Variants in VIPR2 observed in about 807,000 individuals in gnomAD.
VIPR2 encodes vasoactive intestinal polypeptide receptor 2.
In VIPR2, 48 loss-of-function variants were observed where a neutral mutation model predicts 58.0. The ratio of observed to expected loss-of-function variants is 0.83; its 90% CI spans 0.66 to 1.05. The LOEUF (loss-of-function observed/expected upper bound fraction) is 1.05, where lower values mean the gene tolerates loss of function less well. Ranked by LOEUF, VIPR2 falls within the 50% of genes least tolerant of loss-of-function variation. The probability of loss-of-function intolerance (pLI) is 0.00; values close to 1 mark genes in which losing one functional copy is unlikely to be tolerated. For synonymous variants in VIPR2, 243 were observed against 235.2 expected, an observed-to-expected ratio of 1.03 and a Z score of -0.30; for missense variants, 534 against 558.0, an observed-to-expected ratio of 0.96 and a Z score of 0.43.
At position 159,031,412 on chromosome 7, in the gene VIPR2, G is replaced by A. The variant is rs964953031; in HGVS notation, c.1143+416C>T. 2 of 983,398 alleles carry A rather than the reference G, an allele frequency of 2.0e-6. No individual in the cohort carries two copies. Among genetic ancestry groups the A allele is most frequent in the Middle Eastern group, 5.2e-4 (1 of 1,912 alleles). The allele number at this position is 983,398 out of a possible 1,614,324, so 60.9% of individuals were successfully genotyped here. ...TGGGAATGAACGCAGGGCAGAGCTC[G>A]GCTCCGGGCTTCCTCCCCAGGGACT... On this transcript the variant is annotated intron_variant, in intron 12 of 12. Transcript: ENST00000262178. The surrounding 1 kb of genome is among the most constrained non-coding windows in gnomAD (Gnocchi z 4.0).
rs1647367886 is a variant in VIPR2, at chr7:159,140,575, A to C, written c.151+1871T>G. 2.0e-5 allele frequency among the ~76,000 whole-genome samples: 3 copies of C among 152,348 alleles called. No homozygotes were observed. In the East Asian group the frequency reaches 5.8e-4, roughly 29 times the overall value. On this transcript the variant is annotated intron_variant, in intron 2 of 12. Coordinates refer to ENST00000262178, the MANE Select transcript of VIPR2 (RefSeq NM_003382.5). The stretch of plus-strand genomic sequence containing the variant: ...CAGATCAGATACAGATATTTTTCCT[A>C]CAGAGCTGACACTGGAAATAAGAGC...
Position 159,128,280 on chromosome 7 carries a change from A to G in VIPR2, c.151+14166T>C, listed in dbSNP as rs1488323513. Among the ~76,000 whole-genome samples, 1 of 152,110 alleles carries G rather than the reference A, an allele frequency of 6.6e-6. No homozygotes were observed. The highest frequency in any genetic ancestry group is 1.5e-5 in the Non-Finnish European group (1 of 68,006). ...CTGCCCCATCCATACCTTGGGACCCAGCTCTCATGATCTCACAGCCCCATC... is the reference window on the plus strand; with the variant it reads ...CTGCCCCATCCATACCTTGGGACCCGGCTCTCATGATCTCACAGCCCCATC... On this transcript the variant is annotated intron_variant, in intron 2 of 12. Transcript: ENST00000262178. The surrounding 1 kb of genome is among the most constrained non-coding windows in gnomAD (Gnocchi z 4.1).
In VIPR2 at chr7:159,097,424, C is replaced by T. The variant is rs1857927765; in HGVS notation, c.357+6333G>A. On this transcript the variant is annotated intron_variant, in intron 4 of 12. Transcript: ENST00000262178. This position sits in a 1 kb window ranked among gnomAD's most constrained non-coding sequence, Gnocchi z 5.3. Reference sequence around the variant, plus strand: ...ACAGAAGACTTACGGGAGCCGGCCCCCTCGCGTGCCCACCACGGTGTGCTG... The same window carrying T: ...ACAGAAGACTTACGGGAGCCGGCCCTCTCGCGTGCCCACCACGGTGTGCTG... Among the ~76,000 whole-genome samples, 1 of 152,182 alleles carries T rather than the reference C, an allele frequency of 6.6e-6. No homozygotes were observed. Among genetic ancestry groups the T allele is most frequent in the South Asian group, 2.1e-4 (1 of 4,830 alleles).
At chr7:159,074,828 C>A (rs1386375340) in intron 4 of VIPR2, among the ~76,000 whole-genome samples, 2 of 151,894 alleles carry the variant, frequency 1.3e-5, no homozygotes, top group Non-Finnish European at 2.9e-5. Context: ...TCACAATGAA[C>A]AAACAAACAA....
At chr7:159,118,591 G>A (rs550641487) in intron 2 of VIPR2, among the ~76,000 whole-genome samples, 4 of 152,316 alleles carry the variant, frequency 2.6e-5, no homozygotes, top group South Asian at 2.1e-4. Flanking sequence ...AAACGTAGCC[G>A]CCATTCAATG....
At chr7:159,034,463 G>A (rs1853794972) in intron 9 of VIPR2, 118 bp downstream of exon 9, 4 of 1,315,692 alleles carry the variant, frequency 3.0e-6, no homozygotes, top group Non-Finnish European at 4.3e-6. Flanking sequence ...TCCTTTTCCG[G>A]GAAGGCTGAG....
At chr7:159,042,022 C>G (rs1049495241) in intron 6 of VIPR2, among the ~76,000 whole-genome samples, 36 of 152,174 alleles carry the variant, frequency 2.4e-4, no homozygotes, top group African/African-American at 7.7e-4. Context: ...CACAGCAAAT[C>G]TGATTCACAG....
At chr7:159,088,880 T>A (rs1857330762) in intron 4 of VIPR2, among the ~76,000 whole-genome samples, 2 of 68,146 alleles carry the variant, frequency 2.9e-5, no homozygotes, top group Admixed American at 1.7e-4. Flanking sequence ...GGAATGGGAA[T>A]AGCCTCAGGC....
At chr7:159,143,597 C>G (rs1193204159) in intron 1 of VIPR2, among the ~76,000 whole-genome samples, 1 of 152,206 alleles carries the variant, frequency 6.6e-6, no homozygotes, top group Non-Finnish European at 1.5e-5. Flanking sequence ...GCTTCTTGCT[C>G]GTGACTGAAC....
At chr7:159,140,734 G>T (rs1278366730) in intron 2 of VIPR2, among the ~76,000 whole-genome samples, 1 of 152,236 alleles carries the variant, frequency 6.6e-6, no homozygotes, top group Non-Finnish European at 1.5e-5. Flanking sequence ...GGGGCTGAGT[G>T]ACTGCCTGGG....
intron 4 of VIPR2, among the ~76,000 whole-genome samples, chr7:159,068,701 CA>C (rs1856226198): frequency 6.6e-6 from 1 of 152,178 alleles, no homozygotes. Context: ...GGTGCAACAG[CA>C]CGGCCTCAGA....
chr7:159,070,561 G>A (rs1381846559), intron 4 of VIPR2, among the ~76,000 whole-genome samples: 1 of 152,138 alleles, frequency 6.6e-6, no homozygotes, highest in Non-Finnish European at 1.5e-5. Flanking sequence ...GATGCAGACA[G>A]CACGTCAGGC....
At chr7:159,123,860 G>T (rs1796560498) in intron 2 of VIPR2, among the ~76,000 whole-genome samples, 1 of 152,094 alleles carries the variant, frequency 6.6e-6, no homozygotes, top group East Asian at 1.9e-4. Context: ...GGTGTGAGAT[G>T]GTATCTCATA....
At chr7:159,042,994 A>C (rs1216703903) in intron 6 of VIPR2, 41 bp downstream of exon 6, 1 of 1,600,474 alleles carries the variant, frequency 6.2e-7, no homozygotes, top group African/African-American at 1.3e-5. Context: ...ACAGAGATAA[A>C]GGGACAAGAC....
In VIPR2 at chr7:159,128,864, C is replaced by T. The variant is rs113182013; in HGVS notation, c.151+13582G>A. Among the ~76,000 whole-genome samples the T allele has an allele frequency of 1.3e-5, 2 of 152,202 alleles. No homozygotes were observed. Among genetic ancestry groups the T allele is most frequent in the African/African-American group, 2.4e-5 (1 of 41,444 alleles). ...CCCTCAACTGCTCCCTCCTTCCCTC[C>T]CTGCGGCTGAGCTCAGTCCTGACAC... On this transcript the variant is annotated intron_variant, in intron 2 of 12. Coordinates refer to ENST00000262178, the MANE Select transcript of VIPR2 (RefSeq NM_003382.5). This position sits in a 1 kb window ranked among gnomAD's most constrained non-coding sequence, Gnocchi z 4.1.
intron 2 of VIPR2, among the ~76,000 whole-genome samples, chr7:159,137,834 A>C (rs906088510): frequency 6.6e-6 from 1 of 152,212 alleles, no homozygotes; most frequent in African/African-American, 2.4e-5. Flanking sequence ...TCAGTCCAAA[A>C]AGTTATTTGG....
intron 4 of VIPR2, among the ~76,000 whole-genome samples, chr7:159,062,878 G>A (rs1227290872): frequency 6.6e-6 from 1 of 151,992 alleles, no homozygotes; most frequent in Non-Finnish European, 1.5e-5. Context: ...GTTTTGACAG[G>A]GTACTGATTG....
intron 6 of VIPR2, among the ~76,000 whole-genome samples, chr7:159,039,792 C>T (rs1195819062): frequency 1.3e-5 from 2 of 152,224 alleles, no homozygotes; most frequent in Non-Finnish European, 2.9e-5. Flanking sequence ...GACCTGGCAA[C>T]CTCACTGGCG....
chr7:159,041,932 A>T (rs559458470), intron 6 of VIPR2, among the ~76,000 whole-genome samples: 16 of 152,202 alleles, frequency 1.1e-4, no homozygotes, highest in African/African-American at 3.9e-4. Context: ...CCCTATTACT[A>T]GGACAGGAAC....
Sources: allele counts gnomAD v4.1 joint callset (sites outside exome capture counted in the v4.1 genomes callset), GRCh38; gene constraint gnomAD v4.1.1; non-coding constraint Gnocchi (gnomAD v3.1); transcripts MANE v1.5; gene names NCBI Gene and HGNC (gene_info 2026-07-23, HGNC 2026-07-21).